The following ITGA4 variants were observed in gnomAD, a reference collection of about 807,000 sequenced individuals.
The protein encoded by ITGA4 is integrin subunit alpha 4.
Under a neutral mutation model 133.6 loss-of-function variants are expected in ITGA4, and 63 were observed. That is an observed-to-expected ratio of 0.47 (90% CI 0.38 to 0.58). The LOEUF (loss-of-function observed/expected upper bound fraction) is 0.58. ITGA4 is among the 20% of genes least tolerant of loss of function. The probability of loss-of-function intolerance (pLI) is 0.00; values close to 1 mark genes in which losing one functional copy is unlikely to be tolerated. For missense variants in ITGA4, 1,076 were observed against 1,252.7 expected (o/e 0.86, Z 2.13); for synonymous variants, 483 against 438.0 (o/e 1.10, Z -1.28).
chr2:181,535,088 CAA>C (rs1430801709), intron 27 of ITGA4, among the ~76,000 whole-genome samples, 153 bp downstream of exon 27: 4 of 151,836 alleles, frequency 2.6e-5, no homozygotes, highest in Non-Finnish European at 5.9e-5. Flanking sequence ...TCTTCAACAC[CAA>C]AGTCTTTCTA....
At position 181,536,814 on chromosome 2, in the gene ITGA4, C is replaced by A; in HGVS notation, c.*1287C>A. 1 of 311,208 alleles carries A rather than the reference C, an allele frequency of 3.2e-6. No individual in the cohort carries two copies. The highest frequency in any genetic ancestry group is 2.8e-5 in the South Asian group (1 of 35,560). The allele number at this position is 311,208 out of a possible 1,614,324, so 19.3% of individuals were successfully genotyped here. On this transcript the variant is annotated 3_prime_UTR_variant, in exon 28 of 28. Coordinates refer to ENST00000397033, the MANE Select transcript of ITGA4 (RefSeq NM_000885.6). The stretch of plus-strand genomic sequence containing the variant: ...TTTATGCTTATGATCTAGATAATTG[C>A]AGAATATCATTTTATCTGACTCTGC...
intron 25 of ITGA4, among the ~76,000 whole-genome samples, chr2:181,532,081 T>C (rs1238438130): frequency 6.6e-6 from 1 of 152,044 alleles, no homozygotes; most frequent in African/African-American, 2.4e-5. Context: ...TCGAGACCAG[T>C]TGTATTCCTA....
chr2:181,535,976 A>AATATAATTTTTT lies in ITGA4; in HGVS notation c.*451_*462dup, dbSNP rs1293064871. The AATATAATTTTTT allele has an allele frequency of 1.3e-5, 2 of 152,248 alleles. No individual in the cohort carries two copies. Among genetic ancestry groups the AATATAATTTTTT allele is most frequent in the Non-Finnish European group, 2.9e-5 (2 of 68,130 alleles). The allele number at this position is 152,248 out of a possible 1,614,324, so 9.4% of individuals were successfully genotyped here. On this transcript the variant is annotated 3_prime_UTR_variant, in exon 28 of 28. Transcript: ENST00000397033. ...ACTTGTTCAAAATATGTTCTTTAAA[A>AATATAATTTTTT]ATATAATTTTTTAGAGAGCTGTTCC...
chr2:181,495,733 A>C lies in ITGA4; in HGVS notation c.1386-50A>C. The C allele has an allele frequency of 6.5e-7, 1 of 1,532,030 alleles. No individual in the cohort carries two copies. The highest frequency in any genetic ancestry group is 8.9e-7 in the Non-Finnish European group (1 of 1,119,468). The allele number at this position is 1,532,030 out of a possible 1,614,324, so 94.9% of individuals were successfully genotyped here. On this transcript the variant is annotated intron_variant, in intron 13 of 27. Transcript: ENST00000397033. The surrounding 1 kb of genome is among the most constrained non-coding windows in gnomAD (Gnocchi z 4.3). Reference sequence around the variant, plus strand: ...AAAAAACAAACGCATTTCTCTCCTTAAGGAAAAATAATTCTGCAATTAACA... The same window carrying C: ...AAAAAACAAACGCATTTCTCTCCTTCAGGAAAAATAATTCTGCAATTAACA...
intron 17 of ITGA4, among the ~76,000 whole-genome samples, chr2:181,517,246 T>G (rs1686624970): frequency 6.6e-6 from 1 of 152,106 alleles, no homozygotes; most frequent in Non-Finnish European, 1.5e-5. Flanking sequence ...GTTTACATTA[T>G]ATTTTATTCT....
At chr2:181,466,998 AATTG>A (rs1400699454) in intron 2 of ITGA4, among the ~76,000 whole-genome samples, 2 of 152,188 alleles carry the variant, frequency 1.3e-5, no homozygotes, top group African/African-American at 4.8e-5. Context: ...CTCATATTTG[AATTG>A]ATTTTCTCAC....
rs200988565 is a variant in ITGA4 at position 181,537,498 on chromosome 2, C to A, written c.*1971C>A. 4 of 453,256 alleles carry A rather than the reference C, an allele frequency of 8.8e-6. No homozygotes were observed. Among genetic ancestry groups the A allele is most frequent in the Admixed American group, 7.1e-5 (3 of 42,464 alleles). 28.1% of individuals were successfully genotyped at this position (453,256 alleles called of 1,614,324 possible). ...ACAGGGATGGGTTATTCTTTTTTGG[C>A]AGGTAGGCTATATAACTATGTGATT... On this transcript the variant is annotated 3_prime_UTR_variant, in exon 28 of 28. Coordinates refer to ENST00000397033, the MANE Select transcript of ITGA4 (RefSeq NM_000885.6).
chr2:181,538,216 C>CATAAAGACTGATAA lies in ITGA4; in HGVS notation c.*2690_*2703dup, dbSNP rs1242972363. On this transcript the variant is annotated 3_prime_UTR_variant, in exon 28 of 28. Transcript: ENST00000397033. ...GGAATCATTTCTTCCATGCTTCCTCCATAAAGACTGATAAGTCTTGGATGC... is the reference window on the plus strand; with the variant it reads ...GGAATCATTTCTTCCATGCTTCCTCCATAAAGACTGATAAATAAAGACTGATAAGTCTTGGATGC... 1 of 1,590,532 alleles carries CATAAAGACTGATAA rather than the reference C, an allele frequency of 6.3e-7. No individual in the cohort carries two copies. The highest frequency in any genetic ancestry group is 8.6e-7 in the Non-Finnish European group (1 of 1,159,606).
intron 18 of ITGA4, 130 bp downstream of exon 18, chr2:181,522,471 G>A (rs1226854540): frequency 1.6e-6 from 1 of 606,826 alleles, no homozygotes; most frequent in Non-Finnish European, 2.7e-6. Flanking sequence ...GTTATTTTCA[G>A]ACTTACTCTG....
chr2:181,501,487 C>G (rs952191908), intron 15 of ITGA4, among the ~76,000 whole-genome samples: 2 of 152,174 alleles, frequency 1.3e-5, no homozygotes, highest in African/African-American at 4.8e-5. Context: ...CAAAGGAACA[C>G]TCTAGCTGCT....
intron 10 of ITGA4, among the ~76,000 whole-genome samples, chr2:181,488,923 C>G (rs1010552076): frequency 2.0e-5 from 3 of 152,158 alleles, no homozygotes; most frequent in African/African-American, 2.4e-5. Flanking sequence ...TAGATATTAG[C>G]AAGACCATTG....
chr2:181,529,312 T>C (rs150243069), intron 22 of ITGA4, among the ~76,000 whole-genome samples: 3,065 of 152,292 alleles, frequency 0.02, 61 homozygotes, highest in Middle Eastern at 0.037. Context: ...TTTTCAACAA[T>C]ACCAAAACTA....
chr2:181,509,870 C>A, intron 16 of ITGA4, 63 bp downstream of exon 16: 3 of 1,244,980 alleles, frequency 2.4e-6, no homozygotes, highest in South Asian at 1.3e-5. Flanking sequence ...TAAAATATGG[C>A]ATAATTCTGA....
chr2:181,475,375 T>C (rs1413812291), intron 4 of ITGA4, 87 bp downstream of exon 4: 12 of 1,075,682 alleles, frequency 1.1e-5, no homozygotes, highest in Non-Finnish European at 8.3e-6. Flanking sequence ...GTTTAGATGT[T>C]CAGAGGAGAG....
intron 17 of ITGA4, among the ~76,000 whole-genome samples, chr2:181,518,937 G>A (rs1686664881): frequency 6.6e-6 from 1 of 151,874 alleles, no homozygotes; most frequent in African/African-American, 2.4e-5. Flanking sequence ...TTAATCCTCA[G>A]TTAAAAAATT....
chr2:181,493,100 G>T, intron 10 of ITGA4: 1 of 409,300 alleles, frequency 2.4e-6, no homozygotes. Context: ...TTGTTACACT[G>T]CCTCTCAGAT....
In ITGA4 at chr2:181,530,743, TA is replaced by T. The variant is rs1686928171; in HGVS notation, c.2664+96del. ...CAATGGGTTTGAGCTGTCACTTCAATAATAAGAGAGAAGACAAGTTTAGGTA... is the reference window on the plus strand; with the variant it reads ...CAATGGGTTTGAGCTGTCACTTCAATATAAGAGAGAAGACAAGTTTAGGTA... On this transcript the variant is annotated intron_variant, in intron 24 of 27. Transcript: ENST00000397033. 2.7e-6 allele frequency: 3 copies of T among 1,129,492 alleles called. No individual in the cohort carries two copies. In the Admixed American group the frequency reaches 5.9e-5, roughly 22 times the overall value. 70.0% of individuals were successfully genotyped at this position (1,129,492 alleles called of 1,614,324 possible).
At position 181,536,540 on chromosome 2, in the gene ITGA4, A is replaced by AC. The variant is rs957907060; in HGVS notation, c.*1016dup. 3.7e-5 allele frequency: 6 copies of AC among 161,650 alleles called. No individual in the cohort carries two copies. Among genetic ancestry groups the AC allele is most frequent in the Non-Finnish European group, 5.4e-5 (4 of 74,206 alleles). 10.0% of individuals were successfully genotyped at this position (161,650 alleles called of 1,614,324 possible). A position where few individuals can be genotyped will look rare whatever the true frequency, so the allele number is the denominator to read the frequency against. ...ATTTCCTTGGATGTAATTCTTTGTT[A>AC]CCCTTTACAAGTATAAGTGTTACCT... On this transcript the variant is annotated 3_prime_UTR_variant, in exon 28 of 28. Coordinates refer to ENST00000397033, the MANE Select transcript of ITGA4 (RefSeq NM_000885.6).
At chr2:181,464,460 G>A (rs1235562729) in intron 2 of ITGA4, among the ~76,000 whole-genome samples, 1 of 152,118 alleles carries the variant, frequency 6.6e-6, no homozygotes, top group Non-Finnish European at 1.5e-5. Flanking sequence ...GAGTAACTCA[G>A]TTGAGATGAT....
Sources: allele counts gnomAD v4.1 joint callset (sites outside exome capture counted in the v4.1 genomes callset), GRCh38; gene constraint gnomAD v4.1.1; non-coding constraint Gnocchi (gnomAD v3.1); transcripts MANE v1.5; gene names NCBI Gene and HGNC (gene_info 2026-07-23, HGNC 2026-07-21).